The following TMEM38B variants were observed in gnomAD, a reference collection of about 807,000 sequenced individuals.
The protein encoded by TMEM38B is trimeric intracellular cation channel type B.
TMEM38B carries 24 observed loss-of-function variants against 28.7 expected under a neutral mutation model. The ratio of observed to expected loss-of-function variants is 0.84; its 90% CI spans 0.61 to 1.18. TMEM38B has a LOEUF of 1.18. Ranked by LOEUF, TMEM38B falls within the 50% of genes most tolerant of loss-of-function variation. The pLI, the probability that TMEM38B is intolerant of heterozygous loss-of-function variation, is 0.00. For missense variants in TMEM38B, 380 were observed against 350.9 expected, an observed-to-expected ratio of 1.08 and a Z score of -0.66; for synonymous variants, 131 against 127.7, an observed-to-expected ratio of 1.03 and a Z score of -0.17.
intron 2 of TMEM38B, chr9:105,710,487 C>A: frequency 7.0e-7 from 1 of 1,420,590 alleles, no homozygotes; most frequent in Non-Finnish European, 9.9e-7. Flanking sequence ...CCTTCCTTGG[C>A]TTTCATCTGA....
intron 5 of TMEM38B, among the ~76,000 whole-genome samples, chr9:105,772,098 C>T (rs1285729369): frequency 2.0e-5 from 3 of 152,224 alleles, no homozygotes; most frequent in Non-Finnish European, 4.4e-5. Context: ...CATCCCTGGG[C>T]AGTTTCACCT....
Position 105,694,708 on chromosome 9 carries a change from C to T in TMEM38B, c.48C>T (p.Ser16=). 1.2e-6 allele frequency: 2 copies of T among 1,614,042 alleles called. No homozygotes were observed. The highest frequency in any genetic ancestry group is 1.7e-6 in the Non-Finnish European group (2 of 1,179,930). ...DELALAFSRT[S]MFPFFDIAHY... ...TGGCTCTGGCCTTCTCCCGCACGTC[C>T]ATGTTTCCCTTTTTTGACATCGCGC... The change falls in exon 1 of 6, where the codon TCC becomes TCT. Residue 16 remains serine, a synonymous_variant. Coordinates refer to ENST00000374692, the MANE Select transcript of TMEM38B (RefSeq NM_018112.3).
intron 2 of TMEM38B, among the ~76,000 whole-genome samples, chr9:105,715,829 A>G (rs6477453): frequency 0.23 from 35,542 of 152,006 alleles, 6,813 homozygotes; most frequent in African/African-American, 0.51. Flanking sequence ...TTTTGAAATC[A>G]TAGTTTACAG....
At chr9:105,732,478 T>G (rs1341098572) in intron 4 of TMEM38B, among the ~76,000 whole-genome samples, 1 of 152,230 alleles carries the variant, frequency 6.6e-6, no homozygotes, top group Non-Finnish European at 1.5e-5. Flanking sequence ...CTTGAATTAA[T>G]TTTTGTATAA....
At chr9:105,762,739 G>C (rs996634230) in intron 5 of TMEM38B, among the ~76,000 whole-genome samples, 1 of 147,874 alleles carries the variant, frequency 6.8e-6, no homozygotes, top group African/African-American at 2.5e-5. Flanking sequence ...TGTCTTTATA[G>C]CAGCATGATT....
At chr9:105,761,358 C>T (rs977373016) in intron 5 of TMEM38B, among the ~76,000 whole-genome samples, 17 of 152,150 alleles carry the variant, frequency 1.1e-4, no homozygotes, top group African/African-American at 4.1e-4. Flanking sequence ...TTCAGTCATT[C>T]ATTTGTTTAA....
At chr9:105,769,545 C>T (rs1826479802) in intron 5 of TMEM38B, among the ~76,000 whole-genome samples, 3 of 152,124 alleles carry the variant, frequency 2.0e-5, no homozygotes, top group African/African-American at 7.2e-5. Context: ...CAAACTTGGA[C>T]TCAAGCAACC....
chr9:105,734,395 A>G (rs1295592213), intron 4 of TMEM38B, among the ~76,000 whole-genome samples: 1 of 152,148 alleles, frequency 6.6e-6, no homozygotes, highest in Non-Finnish European at 1.5e-5. Flanking sequence ...TATGTGCACT[A>G]GAGAAGAATG....
rs751488838 is a variant in TMEM38B at position 105,748,172 on chromosome 9, C to T, written c.642C>T (p.Ile214=). 2 of 1,611,174 alleles carry T rather than the reference C, an allele frequency of 1.2e-6. No individual in the cohort carries two copies. The part of the protein sequence containing the change: ...SKHNLMFLYT[I]FIVATKITMM... Reference sequence around the variant, plus strand: ...ATAATCTTATGTTCCTTTATACCATCTTTATTGTGGCCACAAAGGTAAGAA... The same window carrying T: ...ATAATCTTATGTTCCTTTATACCATTTTTATTGTGGCCACAAAGGTAAGAA... Residue 214 remains isoleucine, a synonymous_variant, in exon 5 of 6, where the codon ATC becomes ATT. Coordinates refer to ENST00000374692, the MANE Select transcript of TMEM38B (RefSeq NM_018112.3).
chr9:105,723,668 A>G (rs569580459), intron 4 of TMEM38B, among the ~76,000 whole-genome samples: 16 of 152,150 alleles, frequency 1.1e-4, no homozygotes, highest in African/African-American at 3.9e-4. Flanking sequence ...AAGTGCTGGG[A>G]TTACAGATGT....
intron 5 of TMEM38B, among the ~76,000 whole-genome samples, chr9:105,763,438 A>C (rs1172883379): frequency 1.3e-5 from 2 of 152,330 alleles, no homozygotes; most frequent in African/African-American, 2.4e-5. Flanking sequence ...CTACCATCAG[A>C]GAATACTACA....
chr9:105,773,792 TC>T (rs1170123196), intron 5 of TMEM38B, 72 bp from the exon 6 acceptor site: 12 of 1,439,992 alleles, frequency 8.3e-6, no homozygotes, highest in Admixed American at 2.0e-5. Context: ...TGATTTTTTT[TC>T]CTTTTGTTTC....
chr9:105,766,034 C>A (rs1370192773), intron 5 of TMEM38B, among the ~76,000 whole-genome samples: 1 of 152,154 alleles, frequency 6.6e-6, no homozygotes, highest in Non-Finnish European at 1.5e-5. Flanking sequence ...ATCTCCTGAC[C>A]TCATGATCCG....
intron 2 of TMEM38B, among the ~76,000 whole-genome samples, chr9:105,717,390 G>T (rs910011839): frequency 1.3e-5 from 2 of 151,046 alleles, no homozygotes; most frequent in African/African-American, 4.9e-5. Context: ...AGAAAATGTT[G>T]CTTATGTACA....
intron 1 of TMEM38B, among the ~76,000 whole-genome samples, chr9:105,695,477 A>G (rs1835257397): frequency 6.6e-6 from 1 of 152,214 alleles, no homozygotes; most frequent in African/African-American, 2.4e-5. Context: ...ATGGGGATAT[A>G]GTCTTGAAAC....
Position 105,776,458 on chromosome 9 carries a change from T to C in TMEM38B, c.*2378T>C, listed in dbSNP as rs1238656008. On this transcript the variant is annotated 3_prime_UTR_variant, in exon 6 of 6. Transcript: ENST00000374692. ...AGGGAGACTCTGATTAGTGTATTTT[T>C]TTTTTGTCTATTCCTTAAAGCCCAG... The C allele has an allele frequency of 6.6e-6, 1 of 152,104 alleles. No individual in the cohort carries two copies. The highest frequency in any genetic ancestry group is 2.4e-5 in the African/African-American group (1 of 41,412). 9.4% of individuals were successfully genotyped at this position (152,104 alleles called of 1,614,324 possible).
intron 5 of TMEM38B, among the ~76,000 whole-genome samples, chr9:105,771,836 G>A (rs1295446887): frequency 6.6e-6 from 1 of 152,098 alleles, no homozygotes; most frequent in African/African-American, 2.4e-5. Flanking sequence ...TTATTTAAAT[G>A]TTCCTGGGAA....
chr9:105,745,844 T>C (rs1837370895), intron 4 of TMEM38B, among the ~76,000 whole-genome samples: 1 of 152,192 alleles, frequency 6.6e-6, no homozygotes, highest in African/African-American at 2.4e-5. Context: ...GGGAATCCTT[T>C]CCCCATTTCT....
intron 5 of TMEM38B, among the ~76,000 whole-genome samples, chr9:105,754,831 C>G (rs1451544932): frequency 6.6e-6 from 1 of 152,058 alleles, no homozygotes; most frequent in Non-Finnish European, 1.5e-5. Context: ...TCAACAAATC[C>G]ATGAGCTGGT....
Sources: gnomAD v4.1 joint callset for allele counts (sites outside exome capture counted in the v4.1 genomes callset) on GRCh38, gnomAD v4.1.1 for gene constraint, MANE v1.5 for transcripts, NCBI Gene and HGNC (gene_info 2026-07-23, HGNC 2026-07-21) for gene names.